FRMD6: variants seen among roughly 807,000 people sequenced by gnomAD.
The protein encoded by FRMD6 is FERM domain-containing protein 6.
FRMD6 carries 37 observed loss-of-function variants against 73.2 expected under a neutral mutation model. The ratio of observed to expected loss-of-function variants is 0.51; its 90% CI spans 0.39 to 0.66. FRMD6 has a LOEUF of 0.66. Ranked by LOEUF, FRMD6 falls within the 30% of genes least tolerant of loss-of-function variation. FRMD6 has a pLI of 0.00. For synonymous variants in FRMD6, 273 were observed against 282.2 expected, an observed-to-expected ratio of 0.97 and a Z score of 0.33; for missense variants, 714 against 780.5, an observed-to-expected ratio of 0.91 and a Z score of 1.02.
At chr14:51,441,384 T>C in the FRMD6 span, among the ~76,000 whole-genome samples, 1 of 152,232 alleles carries the variant, frequency 6.6e-6, no homozygotes, top group Non-Finnish European at 1.5e-5. Context: ...GCTATTCTTA[T>C]GCCTTCCCTC....
At chr14:51,506,691 C>T (rs1372163163) in intron 1 of FRMD6, among the ~76,000 whole-genome samples, 2 of 152,162 alleles carry the variant, frequency 1.3e-5, no homozygotes, top group Non-Finnish European at 2.9e-5. Context: ...AAGAATTCCC[C>T]TTAAGGGAAT....
At chr14:51,467,816 C>T in the FRMD6 span, among the ~76,000 whole-genome samples, 1 of 151,672 alleles carries the variant, frequency 6.6e-6, no homozygotes, top group African/African-American at 2.4e-5. Context: ...ACTGGGCGGC[C>T]GGGCAGAGGG....
intron 1 of FRMD6, among the ~76,000 whole-genome samples, chr14:51,561,517 G>A (rs1208790345): frequency 2.0e-5 from 3 of 152,194 alleles, no homozygotes; most frequent in Non-Finnish European, 4.4e-5. Context: ...CTGAAGCTGT[G>A]AATCACGCAT....
At chr14:51,568,301 T>C (rs1596619098) in intron 1 of FRMD6, among the ~76,000 whole-genome samples, 1 of 152,366 alleles carries the variant, frequency 6.6e-6, no homozygotes, top group East Asian at 1.9e-4. Context: ...AATGTCAAGC[T>C]CCTGTTTTGC....
At chr14:51,679,445 T>C (rs1334286030) in intron 1 of FRMD6, among the ~76,000 whole-genome samples, 6 of 151,034 alleles carry the variant, frequency 4.0e-5, no homozygotes, top group Admixed American at 6.6e-5. Flanking sequence ...CAAATAATTT[T>C]CCCAACCTTT....
At chr14:51,445,515 T>C in the FRMD6 span, among the ~76,000 whole-genome samples, 1 of 151,248 alleles carries the variant, frequency 6.6e-6, no homozygotes, top group Non-Finnish European at 1.5e-5. Flanking sequence ...GATCATAAAG[T>C]TATACAATGT....
At chr14:51,398,391 T>C in the FRMD6 span, among the ~76,000 whole-genome samples, 1 of 152,082 alleles carries the variant, frequency 6.6e-6, no homozygotes, top group African/African-American at 2.4e-5. Context: ...GCAAAGCCAA[T>C]TTTCTTTAGC....
At chr14:51,413,356 G>A in the FRMD6 span, among the ~76,000 whole-genome samples, 2 of 152,142 alleles carry the variant, frequency 1.3e-5, no homozygotes, top group African/African-American at 4.8e-5. Context: ...TCCCCACCCT[G>A]TGTCCAAGTG....
chr14:51,500,216 G>A (rs1454901771), intron 1 of FRMD6, among the ~76,000 whole-genome samples: 2 of 152,210 alleles, frequency 1.3e-5, no homozygotes, highest in Non-Finnish European at 2.9e-5. Context: ...GTAAACGAAT[G>A]TGGAAGTAGT....
At chr14:51,467,071 T>A in the FRMD6 span, among the ~76,000 whole-genome samples, 9 of 152,194 alleles carry the variant, frequency 5.9e-5, no homozygotes, top group African/African-American at 1.9e-4. Flanking sequence ...CAGATAAACA[T>A]GTGAACAAAG....
At chr14:51,433,461 A>G in the FRMD6 span, among the ~76,000 whole-genome samples, 1 of 152,232 alleles carries the variant, frequency 6.6e-6, no homozygotes, top group African/African-American at 2.4e-5. Flanking sequence ...GTAGTATACT[A>G]TGCTTGATGT....
At chr14:51,458,610 T>C in the FRMD6 span, among the ~76,000 whole-genome samples, 4 of 152,318 alleles carry the variant, frequency 2.6e-5, no homozygotes, top group African/African-American at 9.6e-5. Flanking sequence ...TATTTATAAC[T>C]AGGAAAACTA....
At chr14:51,396,748 G>T in the FRMD6 span, among the ~76,000 whole-genome samples, 171 of 152,296 alleles carry the variant, frequency 1.1e-3, no homozygotes, top group Non-Finnish European at 1.5e-3. Flanking sequence ...CATGTTTGGG[G>T]AGTCTGTAGG....
chr14:51,476,740 G>T, the FRMD6 span, among the ~76,000 whole-genome samples: 4 of 152,106 alleles, frequency 2.6e-5, no homozygotes, highest in Admixed American at 2.6e-4. Flanking sequence ...CATATTTTTG[G>T]TATCCCTTAA....
At chr14:51,669,786 A>C (rs985261548) in intron 1 of FRMD6, among the ~76,000 whole-genome samples, 1 of 151,852 alleles carries the variant, frequency 6.6e-6, no homozygotes, top group Non-Finnish European at 1.5e-5. Flanking sequence ...TTGAAAATGT[A>C]TTTTCTGTTA....
chr14:51,415,524 G>C, the FRMD6 span, among the ~76,000 whole-genome samples: 5 of 152,190 alleles, frequency 3.3e-5, no homozygotes, highest in Admixed American at 6.5e-5. Flanking sequence ...TGGTGGATAA[G>C]CTTTTTGATG....
intron 1 of FRMD6, among the ~76,000 whole-genome samples, chr14:51,655,236 A>G (rs901702870): frequency 2.0e-5 from 3 of 152,216 alleles, no homozygotes. Flanking sequence ...TACTCCCAGT[A>G]CTAGAGTTAT....
At chr14:51,486,325 T>A (rs1882760772), upstream of FRMD6, among the ~76,000 whole-genome samples, 1 of 152,160 alleles carries the variant, frequency 6.6e-6, no homozygotes, top group Non-Finnish European at 1.5e-5. Context: ...TGATCCACCA[T>A]GCCCGGCCTG....
intron 2 of FRMD6, among the ~76,000 whole-genome samples, chr14:51,611,176 G>T (rs1890481088): frequency 6.6e-6 from 1 of 152,142 alleles, no homozygotes. Context: ...GGAGAAGGAG[G>T]CTAGGGAGGA....
Sources: gnomAD v4.1 joint callset for allele counts (sites outside exome capture counted in the v4.1 genomes callset) on GRCh38, gnomAD v4.1.1 for gene constraint, MANE v1.5 for transcripts, NCBI Gene and HGNC (gene_info 2026-07-23, HGNC 2026-07-21) for gene names.